SOX5: variants seen among roughly 807,000 people sequenced by gnomAD.
SOX5 encodes the protein transcription factor SOX-5.
Under a neutral mutation model 92.0 loss-of-function variants are expected in SOX5, and 9 were observed. The observed-to-expected ratio is 0.10, with a 90% confidence interval of 0.06 to 0.17. The LOEUF is 0.17. SOX5 is among the 10% of genes least tolerant of loss of function. The pLI is 1.00. For missense variants in SOX5, 642 were observed against 944.5 expected (o/e 0.68, Z 4.20); for synonymous variants, 344 against 336.3 (o/e 1.02, Z -0.25).
At chr12:23,919,817 C>T (rs1323251494) in intron 1 of SOX5, among the ~76,000 whole-genome samples, 1 of 152,172 alleles carries the variant, frequency 6.6e-6, no homozygotes, top group Admixed American at 6.5e-5. Flanking sequence ...GCATTACAGA[C>T]AGAAACTATC....
intron 1 of SOX5, among the ~76,000 whole-genome samples, chr12:24,458,297 C>A (rs1006375961): frequency 6.6e-6 from 1 of 151,972 alleles, no homozygotes; most frequent in Admixed American, 6.6e-5. Context: ...TGTTTTTTTA[C>A]TTATATATTT....
chr12:24,220,418 C>T (rs1225301182), intron 3 of SOX5, among the ~76,000 whole-genome samples: 2 of 149,436 alleles, frequency 1.3e-5, no homozygotes, highest in African/African-American at 2.6e-5. Context: ...AAATATGCAA[C>T]GTTACAGTGC....
At chr12:24,485,557 A>T (rs55742471) in intron 1 of SOX5, among the ~76,000 whole-genome samples, 27,668 of 152,072 alleles carry the variant, frequency 0.18, 2,621 homozygotes, top group Middle Eastern at 0.21. Context: ...GTTTTCTTTT[A>T]TCTGTAAAAT....
In SOX5 at chr12:23,567,498, T is replaced by C. The variant is rs981656468; in HGVS notation, c.1343-4095A>G. The stretch of plus-strand genomic sequence containing the variant: ...TTTTTTTTTTTTTTGAAACAAGGTC[T>C]CACCCAGGCTGGAGTGCAGTGGCAT... On this transcript the variant is annotated intron_variant, in intron 10 of 14. Coordinates refer to ENST00000451604, the MANE Select transcript of SOX5 (RefSeq NM_006940.6). 3.6e-5 allele frequency among the ~76,000 whole-genome samples: 5 copies of C among 138,786 alleles called. No homozygotes were observed. In the Admixed American group the frequency reaches 3.8e-4, roughly 11 times the overall value. 91.0% of individuals were successfully genotyped at this position (138,786 alleles called of 152,430 possible).
chr12:23,665,616 C>T (rs1271155113), intron 6 of SOX5, 52 bp from the exon 7 acceptor site: 4 of 1,547,530 alleles, frequency 2.6e-6, no homozygotes, highest in Non-Finnish European at 3.5e-6. Flanking sequence ...ATGCTCCATG[C>T]TTCTTCCCAC....
intron 1 of SOX5, among the ~76,000 whole-genome samples, chr12:24,411,572 G>A (rs1346841376): frequency 6.6e-6 from 1 of 152,104 alleles, no homozygotes; most frequent in Non-Finnish European, 1.5e-5. Context: ...ATTGTGTGAT[G>A]TTTCTTCTTT....
intron 1 of SOX5, among the ~76,000 whole-genome samples, chr12:24,501,496 A>T (rs1948200594): frequency 6.6e-6 from 1 of 152,176 alleles, no homozygotes; most frequent in African/African-American, 2.4e-5. Context: ...TTTTGTTTAA[A>T]AAAAAGTATT....
At chr12:24,049,065 A>G (rs1957303309) in intron 4 of SOX5, among the ~76,000 whole-genome samples, 3 of 152,226 alleles carry the variant, frequency 2.0e-5, no homozygotes, top group Admixed American at 6.5e-5. Flanking sequence ...AAAAAAATGC[A>G]GTTACATAAA....
At chr12:23,632,711 C>A (rs2078704139) in intron 8 of SOX5, among the ~76,000 whole-genome samples, 1 of 152,084 alleles carries the variant, frequency 6.6e-6, no homozygotes, top group Admixed American at 6.6e-5. Flanking sequence ...GAGCTTAAGC[C>A]ATTTCCAATA....
At chr12:23,898,198 A>C (rs1473254747) in intron 1 of SOX5, among the ~76,000 whole-genome samples, 1 of 152,206 alleles carries the variant, frequency 6.6e-6, no homozygotes, top group Non-Finnish European at 1.5e-5. Flanking sequence ...GTGATTTATT[A>C]AACTAATAAG....
At chr12:24,024,285 T>C (rs1436526289) in intron 4 of SOX5, among the ~76,000 whole-genome samples, 4 of 152,070 alleles carry the variant, frequency 2.6e-5, no homozygotes, top group African/African-American at 9.6e-5. Context: ...GTGTTTTAAC[T>C]ACAAAATAAT....
chr12:23,965,414 C>T (rs1569298597), intron 4 of SOX5, among the ~76,000 whole-genome samples: 1 of 152,104 alleles, frequency 6.6e-6, no homozygotes. Context: ...ACACCAGCCA[C>T]CACAGTTAGA....
intron 3 of SOX5, among the ~76,000 whole-genome samples, chr12:24,220,557 T>C (rs959006087): frequency 6.6e-6 from 1 of 152,134 alleles, no homozygotes; most frequent in Non-Finnish European, 1.5e-5. Context: ...AAAACATACA[T>C]AGGTTATATG....
chr12:24,172,640 A>G (rs532985094), intron 4 of SOX5, among the ~76,000 whole-genome samples: 26 of 152,344 alleles, frequency 1.7e-4, no homozygotes, highest in Non-Finnish European at 3.4e-4. Context: ...TGTTGTTCAC[A>G]GCAACAGGCA....
At chr12:23,629,830 C>T (rs189673926) in intron 8 of SOX5, among the ~76,000 whole-genome samples, 273 of 151,998 alleles carry the variant, frequency 1.8e-3, no homozygotes, top group Non-Finnish European at 3.4e-3. Context: ...TCTTATAATG[C>T]TTAGCTCAAT....
intron 6 of SOX5, among the ~76,000 whole-genome samples, chr12:23,700,328 G>C (rs1467406628): frequency 6.6e-6 from 1 of 152,008 alleles, no homozygotes; most frequent in Non-Finnish European, 1.5e-5. Context: ...TTGACTGCAG[G>C]GTAGCCCAGC....
intron 2 of SOX5, among the ~76,000 whole-genome samples, chr12:23,882,792 G>A (rs2097011364): frequency 6.6e-6 from 1 of 152,160 alleles, no homozygotes; most frequent in Admixed American, 6.5e-5. Context: ...CAATTAAAGT[G>A]TCTTCCGTGC....
chr12:24,301,776 A>G (rs1430882893), intron 2 of SOX5, among the ~76,000 whole-genome samples: 1 of 152,122 alleles, frequency 6.6e-6, no homozygotes, highest in Non-Finnish European at 1.5e-5. Context: ...GCATTTTCCT[A>G]CCCCTGGCTG....
intron 7 of SOX5, among the ~76,000 whole-genome samples, chr12:23,651,329 C>T (rs937648966): frequency 6.6e-6 from 1 of 151,868 alleles, no homozygotes; most frequent in African/African-American, 2.4e-5. Flanking sequence ...TTTAAACTGG[C>T]CAGGATTATC....
Sources: gnomAD v4.1 joint callset for allele counts (sites outside exome capture counted in the v4.1 genomes callset) on GRCh38, gnomAD v4.1.1 for gene constraint, MANE v1.5 for transcripts, NCBI Gene and HGNC (gene_info 2026-07-23, HGNC 2026-07-21) for gene names.